Variants in MRAP observed in about 807,000 individuals in gnomAD.
MRAP encodes the protein melanocortin-2 receptor accessory protein.
In MRAP, 8 loss-of-function variants were observed where a neutral mutation model predicts 8.7. That is an observed-to-expected ratio of 0.92 (90% CI 0.54 to 1.66). MRAP has a LOEUF of 1.66. Among genes scored for constraint, MRAP ranks in the 40% most tolerant of loss-of-function variants. The pLI is 0.00. For synonymous variants in MRAP, 95 were observed against 95.5 expected, an observed-to-expected ratio of 1.00 and a Z score of 0.03; for missense variants, 237 against 217.1, an observed-to-expected ratio of 1.09 and a Z score of -0.58.
rs374466622 is a variant in MRAP, at chr21:32,312,006, A to T, written c.*10A>T. On this transcript the variant is annotated 3_prime_UTR_variant, in exon 3 of 3. Transcript: ENST00000303645. ...TCAATTGCAGAGCTGATGTCAGTAA[A>T]TCGTGGCCATAGCTGAGTGAACTGG... 3.7e-5 allele frequency: 59 copies of T among 1,612,882 alleles called. No homozygotes were observed. The highest frequency in any genetic ancestry group is 4.9e-5 in the Non-Finnish European group (58 of 1,180,042).
At chr21:32,314,598 C>T (rs537907926), downstream of MRAP, 265 of 1,614,216 alleles carry the variant, frequency 1.6e-4, 2 homozygotes, top group South Asian at 2.7e-3. Context: ...CTGCCTCAAA[C>T]TCGAGCTATT....
intron 1 of MRAP, among the ~76,000 whole-genome samples, chr21:32,300,673 GGA>G (rs1569026332): frequency 2.1e-3 from 30 of 14,268 alleles, no homozygotes; most frequent in Non-Finnish European, 3.7e-3. Context: ...GTCCTATGTC[GGA>G]TGTGTCACGC....
intron 1 of MRAP, among the ~76,000 whole-genome samples, chr21:32,303,214 C>T (rs1022009705): frequency 1.3e-5 from 2 of 152,076 alleles, no homozygotes; most frequent in Admixed American, 6.6e-5. Flanking sequence ...GAACTCCTGA[C>T]CTTAGGTGAT....
At chr21:32,297,852 C>T (rs1352841651), upstream of MRAP, among the ~76,000 whole-genome samples, 1 of 152,174 alleles carries the variant, frequency 6.6e-6, no homozygotes, top group Non-Finnish European at 1.5e-5. Flanking sequence ...AACTGAACTA[C>T]CCTCAAAGTG....
chr21:32,296,604 C>T (rs551496858), upstream of MRAP, among the ~76,000 whole-genome samples: 49 of 152,250 alleles, frequency 3.2e-4, no homozygotes, highest in African/African-American at 1.0e-3. Context: ...CTCGGCTGAA[C>T]GGCCTAGCCT....
upstream of MRAP, among the ~76,000 whole-genome samples, chr21:32,293,999 T>C (rs547205288): frequency 1.3e-5 from 2 of 152,358 alleles, no homozygotes; most frequent in South Asian, 4.1e-4. Flanking sequence ...ATAATCAGTA[T>C]TTTGTCAGAC....
upstream of MRAP, among the ~76,000 whole-genome samples, chr21:32,297,578 C>T (rs1370780455): frequency 6.6e-6 from 1 of 152,086 alleles, no homozygotes; most frequent in African/African-American, 2.4e-5. Flanking sequence ...TATGACAAAC[C>T]AGTCATCTAG....
intron 2 of MRAP, among the ~76,000 whole-genome samples, chr21:32,307,976 C>T (rs1197179435): frequency 2.0e-5 from 3 of 152,264 alleles, no homozygotes; most frequent in East Asian, 3.9e-4. Flanking sequence ...ATGAGTCAAC[C>T]TCATGGAATG....
At chr21:32,300,643 C>A (rs1370675331) in intron 1 of MRAP, among the ~76,000 whole-genome samples, 3 of 147,652 alleles carry the variant, frequency 2.0e-5, no homozygotes, top group African/African-American at 5.0e-5. Context: ...GTCACACGTC[C>A]TATGCCGGGG....
chr21:32,296,246 AG>A (rs2032136795), upstream of MRAP, among the ~76,000 whole-genome samples: 1 of 152,118 alleles, frequency 6.6e-6, no homozygotes, highest in Non-Finnish European at 1.5e-5. Flanking sequence ...ATCTCCTTAA[AG>A]ATCCTATCTC....
At chr21:32,302,513 T>G in intron 1 of MRAP, among the ~76,000 whole-genome samples, 1 of 152,144 alleles carries the variant, frequency 6.6e-6, no homozygotes, top group East Asian at 1.9e-4. Flanking sequence ...GTAAAGAAAA[T>G]GGATTACAAC....
Position 32,306,830 on chromosome 21 carries a change from G to A in MRAP, c.206+91G>A, listed in dbSNP as rs1601105465. 3.0e-6 allele frequency: 3 copies of A among 992,620 alleles called. No individual in the cohort carries two copies. In the East Asian group the frequency reaches 7.3e-5, roughly 24 times the overall value. The allele number at this position is 992,620 out of a possible 1,614,324, so 61.5% of individuals were successfully genotyped here. On this transcript the variant is annotated intron_variant, in intron 2 of 2. Transcript: ENST00000303645. Reference sequence around the variant, plus strand: ...TGAGTATCCCTCATCCAAAATGCTGGAGACCAGAAGTGTTTCAGATTTGGG... The same window carrying A: ...TGAGTATCCCTCATCCAAAATGCTGAAGACCAGAAGTGTTTCAGATTTGGG...
At chr21:32,298,033 C>T (rs2833756), upstream of MRAP, among the ~76,000 whole-genome samples, 71,197 of 152,018 alleles carry the variant, frequency 0.47, 17,561 homozygotes, top group African/African-American at 0.62. Flanking sequence ...CCATGTAAGC[C>T]GTGTGTTTTG....
intron 1 of MRAP, among the ~76,000 whole-genome samples, chr21:32,300,413 C>CGCGTCCTGCGTCGGATGCGTCAT (rs1569025946): frequency 2.0e-5 from 3 of 149,136 alleles, no homozygotes; most frequent in African/African-American, 7.4e-5. Flanking sequence ...GGATGCATCA[C>CGCGTCCTGCGTCGGATGCGTCAT]GCGTCCTGCG....
intron 1 of MRAP, among the ~76,000 whole-genome samples, chr21:32,302,979 CTT>C (rs57692462): frequency 5.6e-5 from 7 of 124,240 alleles, no homozygotes; most frequent in South Asian, 2.6e-4. Context: ...CCCCAATTCC[CTT>C]TTTTTTTTTT....
In MRAP at chr21:32,298,916, C is replaced by A. The variant is rs2298360; in HGVS notation, c.-56C>A. On this transcript the variant is annotated 5_prime_UTR_variant, in exon 1 of 3. Transcript: ENST00000303645. The stretch of plus-strand genomic sequence containing the variant: ...AGGCAGTCTCCTCCCAGGGGCTTGG[C>A]GCCTGGCTCGAGGCGAGGCTGCCGG... 3.1e-6 allele frequency: 4 copies of A among 1,291,484 alleles called. No individual in the cohort carries two copies. The highest frequency in any genetic ancestry group is 1.5e-5 in the African/African-American group (1 of 68,698). The allele number at this position is 1,291,484 out of a possible 1,614,324, so 80.0% of individuals were successfully genotyped here. A position where few individuals can be genotyped will look rare whatever the true frequency, so the allele number is the denominator to read the frequency against.
intron 1 of MRAP, among the ~76,000 whole-genome samples, chr21:32,292,132 A>G (rs543546442): frequency 6.8e-6 from 1 of 146,848 alleles, no homozygotes; most frequent in Admixed American, 6.9e-5. Flanking sequence ...TTCAGGTGGG[A>G]TAATATGGTT....
intron 1 of MRAP, among the ~76,000 whole-genome samples, chr21:32,292,511 C>G (rs1328440491): frequency 6.6e-6 from 1 of 152,134 alleles, no homozygotes; most frequent in African/African-American, 2.4e-5. Flanking sequence ...GGTTGGAATA[C>G]AGTGGCGTGA....
downstream of MRAP, chr21:32,314,582 G>A (rs763889575): frequency 4.3e-6 from 7 of 1,614,208 alleles, no homozygotes; most frequent in Admixed American, 6.7e-5. Context: ...TCTGCATTCA[G>A]AAGTGCTGCC....
Sources: gnomAD v4.1 joint callset for allele counts (sites outside exome capture counted in the v4.1 genomes callset) on GRCh38, gnomAD v4.1.1 for gene constraint, MANE v1.5 for transcripts, NCBI Gene and HGNC (gene_info 2026-07-23, HGNC 2026-07-21) for gene names.